The following CACNB4 variants were observed in gnomAD, a reference collection of about 807,000 sequenced individuals.
The protein encoded by CACNB4 is calcium voltage-gated channel auxiliary subunit beta 4.
A neutral mutation model predicts 71.2 loss-of-function variants in CACNB4; 32 were observed. The observed-to-expected ratio is 0.45, with a 90% confidence interval of 0.34 to 0.60. The LOEUF is 0.60. Among genes scored for constraint, CACNB4 ranks in the 20% least tolerant of loss-of-function variants. CACNB4 has a pLI of 0.01. For synonymous variants in CACNB4, 231 were observed against 236.9 expected, an observed-to-expected ratio of 0.97 and a Z score of 0.23; for missense variants, 464 against 647.9, an observed-to-expected ratio of 0.72 and a Z score of 3.08.
intron 2 of CACNB4, among the ~76,000 whole-genome samples, chr2:152,053,005 G>A (rs964326201): frequency 1.3e-5 from 2 of 152,032 alleles, no homozygotes; most frequent in African/African-American, 4.8e-5. Context: ...TATCATATAT[G>A]ATAGTGAGAT....
chr2:151,878,650 T>C (rs2151437548), intron 4 of CACNB4, among the ~76,000 whole-genome samples: 1 of 86,528 alleles, frequency 1.2e-5, no homozygotes, highest in Admixed American at 1.3e-4. Context: ...TAGCTAGCTA[T>C]ACAATTAGTG....
In CACNB4 at chr2:152,035,614, T is replaced by C. The variant is rs1358234926; in HGVS notation, c.147+62716A>G. Among the ~76,000 whole-genome samples, 491 of 106,922 alleles carry C rather than the reference T, an allele frequency of 4.6e-3. 1 individual carries two copies. Among genetic ancestry groups the C allele is most frequent in the Non-Finnish European group, 7.2e-3 (370 of 51,128 alleles). The allele number at this position is 106,922 out of a possible 152,430, so 70.1% of individuals were successfully genotyped here. A position where few individuals can be genotyped will look rare whatever the true frequency, so the allele number is the denominator to read the frequency against. On this transcript the variant is annotated intron_variant, in intron 2 of 13. Transcript: ENST00000539935. ...CTCTCTCTCTCTCTTTCTCTCTCTC[T>C]CTCTCCCTCCCTCTCCCTCTCTCTC...
At chr2:151,860,066 T>C (rs2099841250) in intron 10 of CACNB4, 2 of 152,494 alleles carry the variant, frequency 1.3e-5, no homozygotes, top group Non-Finnish European at 1.5e-5. Flanking sequence ...GTGGAGACCA[T>C]GAACAGGCTT....
At position 151,889,876 on chromosome 2, in the gene CACNB4, C is replaced by T. The variant is rs764750187; in HGVS notation, c.148-6506G>A. Among the ~76,000 whole-genome samples the T allele has an allele frequency of 2.4e-4, 37 of 152,110 alleles. 1 individual carries two copies. Among genetic ancestry groups the T allele is most frequent in the Admixed American group, 1.2e-3 (19 of 15,258 alleles). On this transcript the variant is annotated intron_variant, in intron 2 of 13. Transcript: ENST00000539935. ...GGCATGGCAGGACCTCGAGTTTGTT[C>T]AAAGAAAGACACAGTCACTCCCATC...
chr2:152,032,503 C>T (rs1451116886), intron 2 of CACNB4, among the ~76,000 whole-genome samples: 2 of 152,104 alleles, frequency 1.3e-5, no homozygotes, highest in Non-Finnish European at 2.9e-5. Context: ...TTACAAATTC[C>T]TTAAAAAACA....
intron 3 of CACNB4, among the ~76,000 whole-genome samples, chr2:151,882,476 C>A (rs534076536): frequency 1.3e-5 from 2 of 151,974 alleles, no homozygotes; most frequent in Admixed American, 1.3e-4. Flanking sequence ...GAGTCTGTCA[C>A]GTAGGGCAAA....
intron 12 of CACNB4, among the ~76,000 whole-genome samples, chr2:151,842,389 G>C (rs1251375287): frequency 1.5e-5 from 2 of 136,556 alleles, no homozygotes; most frequent in African/African-American, 5.7e-5. Flanking sequence ...GAAATGCAAT[G>C]GCACGATCTC....
At chr2:151,995,996 C>T (rs1050493602) in intron 2 of CACNB4, among the ~76,000 whole-genome samples, 2 of 152,194 alleles carry the variant, frequency 1.3e-5, no homozygotes, top group African/African-American at 4.8e-5. Context: ...GATGAATGGT[C>T]GGAGCAAGTC....
chr2:151,841,375 T>C (rs2099836197), intron 13 of CACNB4, among the ~76,000 whole-genome samples: 2 of 151,980 alleles, frequency 1.3e-5, no homozygotes, highest in Admixed American at 1.3e-4. Flanking sequence ...GAGTTTGAGA[T>C]CATCCTGGGC....
In CACNB4 at chr2:151,834,422, AT is replaced by A. The variant is rs1322466889; in HGVS notation, c.*4696del. 13 of 152,096 alleles carry A rather than the reference AT, an allele frequency of 8.5e-5. No individual in the cohort carries two copies. Among genetic ancestry groups the A allele is most frequent in the African/African-American group, 2.6e-4 (11 of 41,562 alleles). 9.4% of individuals were successfully genotyped at this position (152,096 alleles called of 1,614,324 possible). A position where few individuals can be genotyped will look rare whatever the true frequency, so the allele number is the denominator to read the frequency against. ...GCAAGTAGAAGTTACAGCCCTTAGG[AT>A]TATCTGATGAGATACTTTCTAGTCT... On this transcript the variant is annotated 3_prime_UTR_variant, in exon 14 of 14. Coordinates refer to ENST00000539935, the MANE Select transcript of CACNB4 (RefSeq NM_000726.5).
intron 2 of CACNB4, among the ~76,000 whole-genome samples, chr2:151,985,244 T>C (rs962597283): frequency 3.9e-5 from 6 of 152,174 alleles, no homozygotes; most frequent in Admixed American, 1.3e-4. Context: ...ATCTAGAATA[T>C]GCTATATGTA....
chr2:151,998,033 T>C (rs1390226723), intron 2 of CACNB4, among the ~76,000 whole-genome samples: 1 of 152,068 alleles, frequency 6.6e-6, no homozygotes, highest in African/African-American at 2.4e-5. Flanking sequence ...TATCAAAAAG[T>C]TGAAATAGGC....
chr2:152,024,741 T>A (rs1392004530), intron 2 of CACNB4, among the ~76,000 whole-genome samples: 1 of 152,216 alleles, frequency 6.6e-6, no homozygotes, highest in African/African-American at 2.4e-5. Flanking sequence ...AACAATATGG[T>A]GGGCATCACA....
intron 2 of CACNB4, among the ~76,000 whole-genome samples, chr2:151,931,363 G>C (rs955424662): frequency 6.6e-6 from 1 of 152,160 alleles, no homozygotes; most frequent in Non-Finnish European, 1.5e-5. Flanking sequence ...GTAACATTTA[G>C]TTAAGCTTAG....
At chr2:151,850,121 TTTTCTTTCTTTC>T (rs200333946) in intron 12 of CACNB4, 3 of 143,076 alleles carry the variant, frequency 2.1e-5, no homozygotes, top group African/African-American at 8.4e-5. Context: ...TTTCTTTTTC[TTTTCTTTCTTTC>T]TTTCTTTCTT....
intron 2 of CACNB4, among the ~76,000 whole-genome samples, chr2:152,040,624 T>C (rs536244339): frequency 2.6e-5 from 4 of 152,274 alleles, no homozygotes; most frequent in Admixed American, 2.6e-4. Flanking sequence ...GTATTTTTAG[T>C]AGAGACGAGG....
chr2:152,067,165 A>T (rs1008121969), intron 2 of CACNB4, among the ~76,000 whole-genome samples: 4 of 151,996 alleles, frequency 2.6e-5, no homozygotes, highest in African/African-American at 7.2e-5. Flanking sequence ...TTAATTAATT[A>T]AAAAAAAGAA....
At chr2:151,976,089 C>G (rs1015075419) in intron 2 of CACNB4, among the ~76,000 whole-genome samples, 1 of 152,184 alleles carries the variant, frequency 6.6e-6, no homozygotes, top group South Asian at 2.1e-4. Context: ...ATGCAGTCAG[C>G]GAGTCTGACC....
intron 2 of CACNB4, among the ~76,000 whole-genome samples, chr2:152,018,079 C>T (rs975118739): frequency 2.6e-5 from 4 of 152,054 alleles, no homozygotes; most frequent in African/African-American, 9.7e-5. Context: ...GTGATCCACC[C>T]GCTTCAGCCT....
Sources: allele counts gnomAD v4.1 joint callset (sites outside exome capture counted in the v4.1 genomes callset), GRCh38; gene constraint gnomAD v4.1.1; transcripts MANE v1.5; gene names NCBI Gene and HGNC (gene_info 2026-07-23, HGNC 2026-07-21).